Variants in FAM111B observed in about 807,000 individuals in gnomAD.
The protein encoded by FAM111B is serine protease FAM111B.
Under a neutral mutation model 2.8 loss-of-function variants are expected in FAM111B, and 1 was observed. The ratio of observed to expected loss-of-function variants is 0.36; its 90% CI spans 0.13 to 1.70. The LOEUF is 1.70. Ranked by LOEUF, FAM111B falls within the 40% of genes most tolerant of loss-of-function variation. FAM111B has a pLI of 0.35. For synonymous variants in FAM111B, 297 were observed against 295.6 expected, an observed-to-expected ratio of 1.00 and a Z score of -0.05; for missense variants, 882 against 878.9, an observed-to-expected ratio of 1.00 and a Z score of -0.04.
chr11:59,107,854 G>T (rs1859689516), intron 1 of FAM111B, among the ~76,000 whole-genome samples: 1 of 152,188 alleles, frequency 6.6e-6, no homozygotes, highest in South Asian at 2.1e-4. Flanking sequence ...TAATCAGCAA[G>T]GATTCAGGTT....
intron 3 of FAM111B, among the ~76,000 whole-genome samples, chr11:59,116,983 A>G (rs1302037570): frequency 1.3e-5 from 2 of 152,190 alleles, no homozygotes; most frequent in African/African-American, 4.8e-5. Context: ...CAGGTCTCTG[A>G]GGCAGTGATA....
In FAM111B at chr11:59,125,989, CAG is replaced by C. The variant is rs773944838; in HGVS notation, c.1895_1896del (p.Glu632GlyfsTer8). 1 of 1,613,920 alleles carries C rather than the reference CAG, an allele frequency of 6.2e-7. No individual in the cohort carries two copies. The highest frequency in any genetic ancestry group is 1.1e-5 in the South Asian group (1 of 91,072). The stretch of plus-strand genomic sequence containing the variant: ...ATGTTTACCCAAAGAAGTTTCCTAT[CAG>C]AGGTTTGGAACACACACACGCTTAG... On this transcript the variant is annotated frameshift_variant, in exon 4 of 4. Coordinates refer to ENST00000343597, the MANE Select transcript of FAM111B (RefSeq NM_198947.4). LOFTEE classifies it low-confidence loss of function (END_TRUNC).
chr11:59,114,551 G>C (rs1317187709), intron 3 of FAM111B, among the ~76,000 whole-genome samples: 1 of 152,180 alleles, frequency 6.6e-6, no homozygotes, highest in Non-Finnish European at 1.5e-5. Flanking sequence ...AGTAGGTTTT[G>C]ACCCTAAAAC....
At chr11:59,108,842 T>C (rs1263003957) in intron 2 of FAM111B, 130 bp downstream of exon 2, 1 of 152,252 alleles carries the variant, frequency 6.6e-6, no homozygotes, top group African/African-American at 2.4e-5. Context: ...GCTGATTTTT[T>C]TATTAGATAT....
intron 3 of FAM111B, among the ~76,000 whole-genome samples, chr11:59,117,804 G>T (rs1859860754): frequency 6.6e-6 from 1 of 152,240 alleles, no homozygotes; most frequent in Non-Finnish European, 1.5e-5. Flanking sequence ...CCTGTTACCA[G>T]TGGAGGGTCT....
At position 59,125,993 on chromosome 11, in the gene FAM111B, G is replaced by A; in HGVS notation, c.1896G>A (p.Glu632=). The change falls in exon 4 of 4, where the codon GAG becomes GAA. Residue 632 remains glutamate, a synonymous_variant. Transcript: ENST00000343597. ...TTACCCAAAGAAGTTTCCTATCAGA[G>A]GTTTGGAACACACACACGCTTAGTT... ...CMFTQRSFLS[E]VWNTHTLSYD... 1 of 1,613,914 alleles carries A rather than the reference G, an allele frequency of 6.2e-7. No individual in the cohort carries two copies. The highest frequency in any genetic ancestry group is 8.5e-7 in the Non-Finnish European group (1 of 1,179,860).
Position 59,124,483 on chromosome 11 carries a change from T to C in FAM111B, c.386T>C (p.Ile129Thr). 2 of 1,613,432 alleles carry C rather than the reference T, an allele frequency of 1.2e-6. No individual in the cohort carries two copies. Among genetic ancestry groups the C allele is most frequent in the Non-Finnish European group, 1.7e-6 (2 of 1,179,656 alleles). Residue 129 changes from isoleucine (I) to threonine (T), a missense_variant, in exon 4 of 4, where the codon ATT (isoleucine) becomes ACT (threonine). Physicochemically the swap from Ile to Thr is moderately conservative, Grantham distance 89. Transcript: ENST00000343597. ...ERIKNQFNKN[I>T]IVYEEKTIDG... Reference sequence around the variant, plus strand: ...ATAAAGAATCAGTTTAATAAGAACATTATTGTTTATGAAGAAAAGACAATA... The same window carrying C: ...ATAAAGAATCAGTTTAATAAGAACACTATTGTTTATGAAGAAAAGACAATA...
At chr11:59,120,140 T>C (rs1002256488) in intron 3 of FAM111B, among the ~76,000 whole-genome samples, 1 of 152,228 alleles carries the variant, frequency 6.6e-6, no homozygotes, top group Non-Finnish European at 1.5e-5. Flanking sequence ...TGGAGAAAAT[T>C]ATTTTGCTGA....
In FAM111B at chr11:59,109,530, G is replaced by C; in HGVS notation, c.-86-10G>C. On this transcript the variant is annotated splice_polypyrimidine_tract_variant and intron_variant, in intron 2 of 3. Transcript: ENST00000343597. ...TTATTTCATAGATCTTGTTTTTTTGGTTTTTTTAGACATTTCAGGTGGCAG... is the reference window on the plus strand; with the variant it reads ...TTATTTCATAGATCTTGTTTTTTTGCTTTTTTTAGACATTTCAGGTGGCAG... 1.2e-6 allele frequency: 1 copy of C among 847,084 alleles called. No homozygotes were observed. The highest frequency in any genetic ancestry group is 1.8e-6 in the Non-Finnish European group (1 of 564,012). The allele number at this position is 847,084 out of a possible 1,614,324, so 52.5% of individuals were successfully genotyped here. A position where few individuals can be genotyped will look rare whatever the true frequency, so the allele number is the denominator to read the frequency against.
chr11:59,112,188 T>G (rs1214164420), intron 3 of FAM111B, among the ~76,000 whole-genome samples: 1 of 152,202 alleles, frequency 6.6e-6, no homozygotes, highest in Non-Finnish European at 1.5e-5. Flanking sequence ...TCCCAGTCCC[T>G]GGCAACCACT....
At chr11:59,112,123 G>A (rs1859767416) in intron 3 of FAM111B, among the ~76,000 whole-genome samples, 1 of 152,066 alleles carries the variant, frequency 6.6e-6, no homozygotes, top group Admixed American at 6.5e-5. Context: ...ATAATTTCTT[G>A]TGTGGTTCCA....
rs1473212745 is a variant in FAM111B at position 59,124,574 on chromosome 11, A to G, written c.477A>G (p.Thr159=). 3 of 1,613,576 alleles carry G rather than the reference A, an allele frequency of 1.9e-6. No homozygotes were observed. The highest frequency in any genetic ancestry group is 8.5e-7 in the Non-Finnish European group (1 of 1,179,732). ...CLPSDSHFKI[T]FGQRKSSKED... Reference sequence around the variant, plus strand: ...CTAGTGATTCTCATTTTAAAATTACATTTGGTCAAAGAAAGAGTAGCAAAG... The same window carrying G: ...CTAGTGATTCTCATTTTAAAATTACGTTTGGTCAAAGAAAGAGTAGCAAAG... Residue 159 remains threonine (T), a synonymous_variant, in exon 4 of 4, where the codon ACA becomes ACG. Coordinates refer to ENST00000343597, the MANE Select transcript of FAM111B (RefSeq NM_198947.4).
chr11:59,122,382 C>A (rs1859937076), intron 3 of FAM111B, among the ~76,000 whole-genome samples: 1 of 152,182 alleles, frequency 6.6e-6, no homozygotes, highest in South Asian at 2.1e-4. Context: ...GAGGGACACA[C>A]TGTATGCCTC....
At chr11:59,110,861 G>A (rs903140648) in intron 3 of FAM111B, among the ~76,000 whole-genome samples, 1 of 152,176 alleles carries the variant, frequency 6.6e-6, no homozygotes, top group Non-Finnish European at 1.5e-5. Context: ...GGCAAATACT[G>A]TTTTCTATAC....
In FAM111B at chr11:59,124,761, G is replaced by C. The variant is rs1293779766; in HGVS notation, c.664G>C (p.Glu222Gln). 2 of 1,613,750 alleles carry C rather than the reference G, an allele frequency of 1.2e-6. No individual in the cohort carries two copies. The highest frequency in any genetic ancestry group is 2.2e-5 in the East Asian group (1 of 44,880). Reference protein sequence around the residue: ...CIYALKGETIEGALCKDGRFR... With the variant: ...CIYALKGETIQGALCKDGRFR... ...TTATGCCTTGAAGGGTGAGACTATT[G>C]AAGGAGCCTTATGCAAGGATGGCCG... The change falls in exon 4 of 4, where the codon GAA becomes CAA. Residue 222 changes from glutamate to glutamine, a missense_variant. By Grantham distance (29) the Glu-to-Gln change is conservative. Transcript: ENST00000343597.
In FAM111B at chr11:59,125,422, C is replaced by A. The variant is rs1324929534; in HGVS notation, c.1325C>A (p.Thr442Asn). The A allele has an allele frequency of 6.2e-7, 1 of 1,613,996 alleles. No homozygotes were observed. Among genetic ancestry groups the A allele is most frequent in the Non-Finnish European group, 8.5e-7 (1 of 1,179,856 alleles). ...NIYKKDFGKMTANSVSVATCE... is the reference protein window; with the variant it reads ...NIYKKDFGKMNANSVSVATCE... ...TATAAAAAGGACTTCGGAAAAATGACTGCAAATTCTGTTTCAGTTGCAACC... is the reference window on the plus strand; with the variant it reads ...TATAAAAAGGACTTCGGAAAAATGAATGCAAATTCTGTTTCAGTTGCAACC... The change falls in exon 4 of 4, where the codon ACT becomes AAT. Residue 442 changes from threonine (T) to asparagine (N), a missense_variant. Transcript: ENST00000343597.
intron 3 of FAM111B, among the ~76,000 whole-genome samples, chr11:59,113,741 A>G (rs929375775): frequency 1.2e-4 from 18 of 152,218 alleles, no homozygotes; most frequent in African/African-American, 2.9e-4. Flanking sequence ...GGTCAAGATC[A>G]TAAGTTATTG....
intron 3 of FAM111B, among the ~76,000 whole-genome samples, chr11:59,122,095 T>C (rs112324859): frequency 3.3e-5 from 5 of 152,278 alleles, no homozygotes; most frequent in African/African-American, 1.2e-4. Flanking sequence ...TGAACCGAGA[T>C]TGTGCCACTG....
intron 3 of FAM111B, among the ~76,000 whole-genome samples, chr11:59,119,408 G>A (rs1181758334): frequency 6.6e-6 from 1 of 152,192 alleles, no homozygotes; most frequent in Non-Finnish European, 1.5e-5. Flanking sequence ...AGGTGTCACT[G>A]TCCTTCTTTG....
Sources: gnomAD v4.1 joint callset for allele counts (sites outside exome capture counted in the v4.1 genomes callset) on GRCh38, gnomAD v4.1.1 for gene constraint, MANE v1.5 for transcripts, NCBI Gene and HGNC (gene_info 2026-07-23, HGNC 2026-07-21) for gene names.